Variants in CDH23 observed in about 807,000 individuals in gnomAD.
CDH23 encodes cadherin-23.
CDH23 carries 189 observed loss-of-function variants against 317.1 expected under a neutral mutation model. The ratio of observed to expected loss-of-function variants is 0.60; its 90% CI spans 0.53 to 0.67. The LOEUF (loss-of-function observed/expected upper bound fraction) is 0.67, where lower values mean the gene tolerates loss of function less well. Ranked by LOEUF, CDH23 falls within the 30% of genes least tolerant of loss-of-function variation. The pLI is 0.00. For missense variants in CDH23, 4,401 were observed against 4,592.4 expected (o/e 0.96, Z 1.20); for synonymous variants, 1,839 against 1,876.8 (o/e 0.98, Z 0.52).
Position 71,506,544 on chromosome 10 carries a change from A to C in CDH23, c.146-3538A>C, listed in dbSNP as rs183007760. ...GAGATGGTTCTCCTGCATGGCTGTA[A>C]CTAAGAACACTGGGCTGGAGCTGAA... On this transcript the variant is annotated intron_variant, in intron 3 of 69. Coordinates refer to ENST00000224721, the MANE Select transcript of CDH23 (RefSeq NM_022124.6). 7.3e-3 allele frequency among the ~76,000 whole-genome samples: 1,118 copies of C among 152,280 alleles called. 21 individuals are homozygous for C. The highest frequency in any genetic ancestry group is 0.031 in the Middle Eastern group (9 of 294).
At chr10:71,447,490 G>A (rs1030284436) in intron 3 of CDH23, among the ~76,000 whole-genome samples, 1 of 152,120 alleles carries the variant, frequency 6.6e-6, no homozygotes, top group African/African-American at 2.4e-5. Context: ...GGGCCCAGCA[G>A]GTGTGTGTCT....
chr10:71,593,564 A>T (rs892366190), intron 9 of CDH23, among the ~76,000 whole-genome samples: 10 of 152,236 alleles, frequency 6.6e-5, no homozygotes, highest in African/African-American at 2.2e-4. Context: ...AAAACCAAGG[A>T]ACTAATAGCT....
intron 1 of CDH23, among the ~76,000 whole-genome samples, chr10:71,434,836 C>G (rs1849547617): frequency 6.6e-6 from 1 of 152,164 alleles, no homozygotes; most frequent in East Asian, 1.9e-4. Flanking sequence ...GCTACTGGTT[C>G]TAGGAGCAAT....
chr10:71,814,361 G>A lies in CDH23; in HGVS notation c.9739-591G>A, dbSNP rs115483116. Among the ~76,000 whole-genome samples, 1,263 of 152,348 alleles carry A rather than the reference G, an allele frequency of 8.3e-3. 21 individuals are homozygous for A. Among genetic ancestry groups the A allele is most frequent in the African/African-American group, 0.029 (1,215 of 41,580 alleles). On this transcript the variant is annotated intron_variant, in intron 69 of 69. Coordinates refer to ENST00000224721, the MANE Select transcript of CDH23 (RefSeq NM_022124.6). Reference sequence around the variant, plus strand: ...GCCCAGGAGTCCGAGGCTGCACTGAGCTTTGATTACGTTGCTGCATTCCAG... The same window carrying A: ...GCCCAGGAGTCCGAGGCTGCACTGAACTTTGATTACGTTGCTGCATTCCAG...
chr10:71,792,917 GA>G (rs1261902958), intron 47 of CDH23, among the ~76,000 whole-genome samples: 1 of 130,812 alleles, frequency 7.6e-6, no homozygotes, highest in Non-Finnish European at 1.6e-5. Flanking sequence ...ATAATTGACA[GA>G]AAAATGGACA....
chr10:71,682,015 G>T (rs896244798), intron 17 of CDH23, among the ~76,000 whole-genome samples: 5 of 152,058 alleles, frequency 3.3e-5, no homozygotes, highest in Non-Finnish European at 5.9e-5. Flanking sequence ...GACTGACGGG[G>T]AAAATCCATA....
intron 9 of CDH23, among the ~76,000 whole-genome samples, chr10:71,597,557 C>CGG: frequency 6.6e-6 from 1 of 152,016 alleles, no homozygotes; most frequent in Middle Eastern, 3.2e-3. Context: ...TCCTTGGAAC[C>CGG]TACCTCCCAA....
intron 8 of CDH23, among the ~76,000 whole-genome samples, chr10:71,571,370 G>A (rs1857795208): frequency 6.6e-6 from 1 of 152,302 alleles, no homozygotes; most frequent in South Asian, 2.1e-4. Flanking sequence ...GGTCCTCTTG[G>A]CCCCGGCTCT....
At chr10:71,446,210 A>T (rs1589319237) in intron 2 of CDH23, 108 bp from the exon 3 acceptor site, 1 of 1,073,882 alleles carries the variant, frequency 9.3e-7, no homozygotes, top group East Asian at 2.4e-5. Context: ...GACCATGGCC[A>T]TGGACACAGG....
At chr10:71,787,196 A>G (rs1379286385) in intron 44 of CDH23, among the ~76,000 whole-genome samples, 1 of 152,122 alleles carries the variant, frequency 6.6e-6, no homozygotes. Context: ...TCCGTGAAGG[A>G]GTTAAATCCC....
In CDH23 at chr10:71,496,974, T is replaced by A. The variant is rs912802832; in HGVS notation, c.146-13108T>A. Among the ~76,000 whole-genome samples the A allele has an allele frequency of 6.7e-4, 102 of 152,322 alleles. 1 individual carries two copies. Among genetic ancestry groups the A allele is most frequent in the African/African-American group, 2.3e-3 (96 of 41,556 alleles). On this transcript the variant is annotated intron_variant, in intron 3 of 69. Coordinates refer to ENST00000224721, the MANE Select transcript of CDH23 (RefSeq NM_022124.6). ...GCAGCCTCGTAGTGGAGAGTCATCC[T>A]CCAGCCAGGCCACTGCTGTTCCCCC...
chr10:71,502,048 G>A (rs747062625), intron 3 of CDH23, among the ~76,000 whole-genome samples: 19 of 152,310 alleles, frequency 1.2e-4, no homozygotes, highest in African/African-American at 3.4e-4. Flanking sequence ...GCCCTCTCCC[G>A]GCCAGGACCC....
chr10:71,760,754 G>T, intron 38 of CDH23: 1 of 930,414 alleles, frequency 1.1e-6, no homozygotes, highest in Non-Finnish European at 1.8e-6. Context: ...GAGGAGGACC[G>T]GGGGGTTCTG....
rs567876507 is a variant in CDH23, at chr10:71,547,544, G to A, written c.430-19198G>A. Among the ~76,000 whole-genome samples, 16 of 152,332 alleles carry A rather than the reference G, an allele frequency of 1.1e-4. No homozygotes were observed. The South Asian group carries it at 2.5e-3, about 24-fold the overall frequency. On this transcript the variant is annotated intron_variant, in intron 6 of 69. Transcript: ENST00000224721. ...TGGAGGACTGGAATAGGGTTGTGGC[G>A]ACACGCCCAGATATGTATTTCAGGG...
In CDH23 at chr10:71,789,210, G is replaced by A. The variant is rs1191727846; in HGVS notation, c.5923+168G>A. Among the ~76,000 whole-genome samples, 3 of 152,174 alleles carry A rather than the reference G, an allele frequency of 2.0e-5. No individual in the cohort carries two copies. In the East Asian group the frequency reaches 5.8e-4, roughly 29 times the overall value. ...CGGGAGATGGTGGGCTGGGGCTCCC[G>A]GGCCTCCTATGAGCACAAAGAAGCC... On this transcript the variant is annotated intron_variant, in intron 45 of 69. Coordinates refer to ENST00000224721, the MANE Select transcript of CDH23 (RefSeq NM_022124.6).
intron 14 of CDH23, among the ~76,000 whole-genome samples, chr10:71,669,924 C>A (rs1196103477): frequency 2.0e-5 from 3 of 152,116 alleles, no homozygotes; most frequent in Non-Finnish European, 4.4e-5. Flanking sequence ...TTGCTTGAAC[C>A]CGGGAGGCGG....
chr10:71,437,212 C>T (rs529920403), intron 1 of CDH23, among the ~76,000 whole-genome samples: 77 of 152,278 alleles, frequency 5.1e-4, no homozygotes, highest in Admixed American at 1.0e-3. Flanking sequence ...AATATGGCAG[C>T]GTCTAGTAAA....
At chr10:71,485,540 C>T (rs1179565323) in intron 3 of CDH23, among the ~76,000 whole-genome samples, 1 of 152,210 alleles carries the variant, frequency 6.6e-6, no homozygotes, top group African/African-American at 2.4e-5. Context: ...GAGGATATTC[C>T]CACCTGCTCC....
intron 22 of CDH23, 40 bp from the exon 23 acceptor site, chr10:71,701,982 A>G (rs750547790): frequency 2.4e-5 from 39 of 1,602,340 alleles, no homozygotes; most frequent in Non-Finnish European, 3.2e-5. Flanking sequence ...CACCCTCCCC[A>G]GGCGCGGCTC....
Sources: allele counts gnomAD v4.1 joint callset (sites outside exome capture counted in the v4.1 genomes callset), GRCh38; gene constraint gnomAD v4.1.1; transcripts MANE v1.5; gene names NCBI Gene and HGNC (gene_info 2026-07-23, HGNC 2026-07-21).